KATNIP: variants seen among roughly 807,000 people sequenced by gnomAD.
KATNIP encodes katanin-interacting protein.
KATNIP carries 126 observed loss-of-function variants against 174.0 expected under a neutral mutation model. That is an observed-to-expected ratio of 0.72 (90% CI 0.63 to 0.84). The LOEUF (loss-of-function observed/expected upper bound fraction) is 0.84, where lower values mean the gene tolerates loss of function less well. Ranked by LOEUF, KATNIP falls within the 40% of genes least tolerant of loss-of-function variation. The probability of loss-of-function intolerance (pLI) is 0.00; values close to 1 mark genes in which losing one functional copy is unlikely to be tolerated. For synonymous variants in KATNIP, 810 were observed against 835.7 expected, an observed-to-expected ratio of 0.97 and a Z score of 0.53; for missense variants, 1,958 against 2,109.7, an observed-to-expected ratio of 0.93 and a Z score of 1.41.
intron 6 of KATNIP, among the ~76,000 whole-genome samples, chr16:27,649,357 T>C (rs2077054927): frequency 6.6e-6 from 1 of 152,228 alleles, no homozygotes; most frequent in African/African-American, 2.4e-5. Flanking sequence ...TGAAGTCCTT[T>C]GAACTGCAAA....
intron 2 of KATNIP, among the ~76,000 whole-genome samples, chr16:27,602,162 C>T (rs765167745): frequency 6.6e-6 from 1 of 152,066 alleles, no homozygotes; most frequent in Non-Finnish European, 1.5e-5. Flanking sequence ...CCTGGGCTGT[C>T]CTCAGGCAAG....
chr16:27,653,242 C>G (rs2077170574), intron 6 of KATNIP, among the ~76,000 whole-genome samples: 1 of 152,214 alleles, frequency 6.6e-6, no homozygotes, highest in African/African-American at 2.4e-5. Flanking sequence ...TGATACGTGA[C>G]AGGAAGACAG....
At chr16:27,767,967 T>G (rs1486721690) in intron 20 of KATNIP, among the ~76,000 whole-genome samples, 3 of 152,162 alleles carry the variant, frequency 2.0e-5, no homozygotes, top group African/African-American at 7.2e-5. Context: ...CTTGAGCAAA[T>G]CACAGTCTGT....
At chr16:27,772,403 C>G (rs919443780) in intron 22 of KATNIP, among the ~76,000 whole-genome samples, 1 of 152,206 alleles carries the variant, frequency 6.6e-6, no homozygotes, top group South Asian at 2.1e-4. Context: ...CTCTAAGGCC[C>G]GCTCTCTAGC....
At chr16:27,649,033 GCAGA>G (rs2077046697) in intron 6 of KATNIP, among the ~76,000 whole-genome samples, 1 of 152,200 alleles carries the variant, frequency 6.6e-6, no homozygotes, top group Non-Finnish European at 1.5e-5. Flanking sequence ...AGAGCATGGC[GCAGA>G]CAGAGGAGGG....
chr16:27,616,631 G>A (rs913601265), intron 2 of KATNIP, among the ~76,000 whole-genome samples: 3 of 151,782 alleles, frequency 2.0e-5, no homozygotes, highest in Non-Finnish European at 2.9e-5. Flanking sequence ...GGAGTCTGAG[G>A]CAGGAGAATC....
At chr16:27,616,520 G>A (rs1033020271) in intron 2 of KATNIP, among the ~76,000 whole-genome samples, 2 of 151,680 alleles carry the variant, frequency 1.3e-5, no homozygotes, top group Admixed American at 6.6e-5. Flanking sequence ...GAGGCCAGGA[G>A]TTAAGAGACC....
chr16:27,668,377 T>A (rs889253782), intron 6 of KATNIP, among the ~76,000 whole-genome samples: 1 of 152,090 alleles, frequency 6.6e-6, no homozygotes, highest in Non-Finnish European at 1.5e-5. Context: ...TCTCAGGAGA[T>A]CTGATGGTTT....
intron 1 of KATNIP, among the ~76,000 whole-genome samples, chr16:27,560,004 C>T (rs1475371690): frequency 2.0e-5 from 3 of 148,268 alleles, no homozygotes; most frequent in African/African-American, 5.0e-5. Flanking sequence ...AATAAAAAAT[C>T]CAGGTGTGGT....
chr16:27,643,885 C>T lies in KATNIP; in HGVS notation c.409-4719C>T, dbSNP rs540656831. On this transcript the variant is annotated intron_variant, in intron 5 of 27. Transcript: ENST00000261588. ...CCCAGGGCTTCAAGGGAAATGCATG[C>T]CCTAATTACCACCACCACCACCACC... 3.9e-5 allele frequency among the ~76,000 whole-genome samples: 6 copies of T among 152,060 alleles called. No homozygotes were observed. The East Asian group carries it at 1.2e-3, about 29-fold the overall frequency.
At chr16:27,703,812 C>G in intron 11 of KATNIP, 84 bp from the exon 12 acceptor site, 1 of 1,024,352 alleles carries the variant, frequency 9.8e-7, no homozygotes, top group Non-Finnish European at 1.5e-6. Context: ...TTTCCTATCC[C>G]CGAGTGCAGC....
intron 1 of KATNIP, among the ~76,000 whole-genome samples, chr16:27,569,647 A>G (rs1423180677): frequency 1.3e-5 from 2 of 152,250 alleles, no homozygotes; most frequent in Non-Finnish European, 2.9e-5. Context: ...AGACAGGCAC[A>G]GTGTAATCTG....
At chr16:27,697,444 A>C (rs1490822234) in intron 8 of KATNIP, among the ~76,000 whole-genome samples, 1 of 152,102 alleles carries the variant, frequency 6.6e-6, no homozygotes, top group Non-Finnish European at 1.5e-5. Context: ...TGTTGGATGC[A>C]TGTCTTGATA....
Position 27,740,817 on chromosome 16 carries a change from C to T in KATNIP, c.2520C>T (p.Ile840=), listed in dbSNP as rs147092789. Residue 840 remains isoleucine (I), a synonymous_variant, in exon 15 of 28, where the codon ATC becomes ATT. Coordinates refer to ENST00000261588, the MANE Select transcript of KATNIP (RefSeq NM_015202.5). The part of the protein sequence containing the change: ...TTKVHSDDSD[I]FNQPPNRERP... ...AAGTCCACAGTGATGACTCAGACAT[C>T]TTTAACCAGCCCCCCAACAGAGAGC... is the stretch of plus-strand genomic sequence containing the variant. 6.8e-6 allele frequency: 11 copies of T among 1,613,862 alleles called. No individual in the cohort carries two copies. The highest frequency in any genetic ancestry group is 3.3e-5 in the Admixed American group (2 of 59,976).
intron 6 of KATNIP, among the ~76,000 whole-genome samples, chr16:27,664,362 G>T (rs1391542777): frequency 2.0e-5 from 3 of 151,962 alleles, no homozygotes; most frequent in African/African-American, 4.8e-5. Context: ...TCTCTTTTTG[G>T]TACAAAGTTC....
chr16:27,714,022 T>C (rs568650050), intron 13 of KATNIP, among the ~76,000 whole-genome samples: 29 of 151,120 alleles, frequency 1.9e-4, no homozygotes, highest in African/African-American at 6.6e-4. Flanking sequence ...ACACCCAGGC[T>C]CCAGCAGCCT....
At chr16:27,653,345 C>T (rs146455826) in intron 6 of KATNIP, among the ~76,000 whole-genome samples, 1 of 152,292 alleles carries the variant, frequency 6.6e-6, no homozygotes, top group East Asian at 1.9e-4. Flanking sequence ...CTCACAGTAA[C>T]AGTTCAGTGT....
chr16:27,746,229 CT>C (rs1319255558), intron 15 of KATNIP, among the ~76,000 whole-genome samples: 1 of 152,204 alleles, frequency 6.6e-6, no homozygotes, highest in Non-Finnish European at 1.5e-5. Flanking sequence ...GCCTCGCACA[CT>C]CAGGCAGCAT....
At chr16:27,734,870 A>G (rs1053882123) in intron 14 of KATNIP, among the ~76,000 whole-genome samples, 2 of 152,226 alleles carry the variant, frequency 1.3e-5, no homozygotes, top group African/African-American at 2.4e-5. Flanking sequence ...GGCTTACCAC[A>G]TACCAGCTGT....
Sources: gnomAD v4.1 joint callset for allele counts (sites outside exome capture counted in the v4.1 genomes callset) on GRCh38, gnomAD v4.1.1 for gene constraint, MANE v1.5 for transcripts, NCBI Gene and HGNC (gene_info 2026-07-23, HGNC 2026-07-21) for gene names.